MDGA2: variants seen among roughly 807,000 people sequenced by gnomAD.
The protein encoded by MDGA2 is MAM domain containing glycosylphosphatidylinositol anchor 2, also known as MAM domain-containing glycosylphosphatidylinositol anchor protein 2.
In MDGA2, 40 loss-of-function variants were observed where a neutral mutation model predicts 117.8. That is an observed-to-expected ratio of 0.34 (90% CI 0.26 to 0.44). The LOEUF (loss-of-function observed/expected upper bound fraction) is 0.44, where lower values mean the gene tolerates loss of function less well. Among genes scored for constraint, MDGA2 ranks in the 20% least tolerant of loss-of-function variants. MDGA2 has a pLI of 1.00. For missense variants in MDGA2, 1,123 were observed against 1,250.6 expected, an observed-to-expected ratio of 0.90 and a Z score of 1.54; for synonymous variants, 452 against 439.0, an observed-to-expected ratio of 1.03 and a Z score of -0.37.
chr14:47,554,387 T>C (rs1355462984), intron 1 of MDGA2, among the ~76,000 whole-genome samples: 1 of 152,220 alleles, frequency 6.6e-6, no homozygotes, highest in Non-Finnish European at 1.5e-5. Context: ...TGGCAAAACC[T>C]TGAAAAATTA....
intron 8 of MDGA2, among the ~76,000 whole-genome samples, chr14:47,014,348 C>T (rs1888006876): frequency 1.3e-5 from 2 of 152,168 alleles, no homozygotes; most frequent in African/African-American, 4.8e-5. Context: ...GCACCAGCTA[C>T]ATTAGCCCCT....
rs550659113 is a variant in MDGA2, at chr14:47,076,656, C to T, written c.1196-15078G>A. The stretch of plus-strand genomic sequence containing the variant: ...TACTCTGACTCTCCTTTTTCACTTC[C>T]TATTTTATCTACATATTTGAAATCG... On this transcript the variant is annotated intron_variant, in intron 6 of 16. Coordinates refer to ENST00000399232, the MANE Select transcript of MDGA2 (RefSeq NM_001113498.3). Among the ~76,000 whole-genome samples, 60 of 151,772 alleles carry T rather than the reference C, an allele frequency of 4.0e-4. No individual in the cohort carries two copies. In the South Asian group the frequency reaches 0.011, roughly 29 times the overall value.
chr14:46,946,150 G>T (rs1261566395), intron 9 of MDGA2, among the ~76,000 whole-genome samples: 1 of 151,976 alleles, frequency 6.6e-6, no homozygotes, highest in Admixed American at 6.6e-5. Flanking sequence ...TAAGGTATGA[G>T]ATCTAAACTT....
At chr14:47,485,434 G>A (rs1286899218) in intron 1 of MDGA2, among the ~76,000 whole-genome samples, 2 of 152,150 alleles carry the variant, frequency 1.3e-5, no homozygotes, top group African/African-American at 4.8e-5. Flanking sequence ...AAGGGAAGCA[G>A]AGCACAAAAG....
chr14:47,399,919 T>G (rs1214821294), intron 1 of MDGA2, among the ~76,000 whole-genome samples: 1 of 152,106 alleles, frequency 6.6e-6, no homozygotes, highest in Non-Finnish European at 1.5e-5. Flanking sequence ...ACACTTGGAG[T>G]GTGGCACTGA....
intron 1 of MDGA2, among the ~76,000 whole-genome samples, chr14:47,518,527 A>T (rs1355669989): frequency 6.6e-6 from 1 of 152,244 alleles, no homozygotes; most frequent in Non-Finnish European, 1.5e-5. Context: ...AAAATAGATA[A>T]GAATATGCTC....
intron 8 of MDGA2, among the ~76,000 whole-genome samples, chr14:46,958,718 G>A (rs1161367210): frequency 1.3e-5 from 2 of 152,202 alleles, no homozygotes; most frequent in Non-Finnish European, 2.9e-5. Flanking sequence ...ATTACATCCA[G>A]AAGCAGTGTT....
intron 1 of MDGA2, among the ~76,000 whole-genome samples, chr14:47,650,365 A>G (rs1227394505): frequency 6.6e-6 from 1 of 152,206 alleles, no homozygotes; most frequent in Non-Finnish European, 1.5e-5. Context: ...CTTGAATAAC[A>G]TTGTTTCTTT....
intron 1 of MDGA2, among the ~76,000 whole-genome samples, chr14:47,645,821 CCAG>C (rs1051914788): frequency 1.4e-4 from 21 of 151,698 alleles, no homozygotes; most frequent in Non-Finnish European, 2.8e-4. Context: ...GCCTGTAATC[CCAG>C]CACTCTGGGA....
At chr14:47,569,115 A>G (rs1220133068) in intron 1 of MDGA2, among the ~76,000 whole-genome samples, 2 of 152,158 alleles carry the variant, frequency 1.3e-5, no homozygotes, top group Non-Finnish European at 2.9e-5. Context: ...TTGCTTTTCA[A>G]AATAACACTC....
intron 1 of MDGA2, among the ~76,000 whole-genome samples, chr14:47,401,447 T>G (rs1417399705): frequency 6.6e-6 from 1 of 152,170 alleles, no homozygotes; most frequent in African/African-American, 2.4e-5. Context: ...AAAAGGGCGA[T>G]AATGTAGCCT....
At chr14:47,155,885 C>CTTTTTTTTT (rs1883353082) in intron 3 of MDGA2, among the ~76,000 whole-genome samples, 1 of 80,410 alleles carries the variant, frequency 1.2e-5, no homozygotes, top group African/African-American at 4.4e-5. Context: ...TCTTCTTCTT[C>CTTTTTTTTT]TTCTTTTTTT....
intron 1 of MDGA2, among the ~76,000 whole-genome samples, chr14:47,610,590 AC>A (rs1896829900): frequency 6.6e-6 from 1 of 151,964 alleles, no homozygotes; most frequent in African/African-American, 2.4e-5. Context: ...AACAACAACA[AC>A]AACAACAACA....
At chr14:46,958,209 G>T (rs1461630372) in intron 8 of MDGA2, among the ~76,000 whole-genome samples, 2 of 152,138 alleles carry the variant, frequency 1.3e-5, no homozygotes, top group African/African-American at 4.8e-5. Flanking sequence ...CTTCCAGAAT[G>T]TATAGGAGAT....
At position 47,116,027 on chromosome 14, in the gene MDGA2, G is replaced by A. The variant is rs535437366; in HGVS notation, c.925+15687C>T. ...TGCAGAACATATGATCTTATTTATA[G>A]TAAGCCCTAAAAACTCTATGAAAAA... On this transcript the variant is annotated intron_variant, in intron 5 of 16. Transcript: ENST00000399232. Among the ~76,000 whole-genome samples the A allele has an allele frequency of 2.0e-5, 3 of 152,052 alleles. No homozygotes were observed. In the East Asian group the frequency reaches 5.8e-4, roughly 29 times the overall value.
intron 1 of MDGA2, among the ~76,000 whole-genome samples, chr14:47,562,750 G>T: frequency 6.6e-6 from 1 of 151,940 alleles, no homozygotes; most frequent in East Asian, 1.9e-4. Context: ...GATTTTGGTT[G>T]TTTCTTGTCT....
chr14:47,267,498 T>G (rs1274764985), intron 2 of MDGA2, among the ~76,000 whole-genome samples: 2 of 152,144 alleles, frequency 1.3e-5, no homozygotes, highest in Non-Finnish European at 2.9e-5. Context: ...TCTTTTCCAG[T>G]CACTGTGACT....
chr14:47,484,473 G>T (rs1894017213), intron 1 of MDGA2, among the ~76,000 whole-genome samples: 1 of 152,154 alleles, frequency 6.6e-6, no homozygotes, highest in Admixed American at 6.5e-5. Context: ...AGAGATGTTT[G>T]TTAATGTTAG....
intron 14 of MDGA2, among the ~76,000 whole-genome samples, chr14:46,859,282 C>T (rs1881411046): frequency 6.6e-6 from 1 of 152,156 alleles, no homozygotes; most frequent in African/African-American, 2.4e-5. Context: ...GGTCTCCTTG[C>T]TCTCCCCACC....
Sources: gnomAD v4.1 joint callset for allele counts (sites outside exome capture counted in the v4.1 genomes callset) on GRCh38, gnomAD v4.1.1 for gene constraint, MANE v1.5 for transcripts, NCBI Gene and HGNC (gene_info 2026-07-23, HGNC 2026-07-21) for gene names.